Variants in GRB14 observed in about 807,000 individuals in gnomAD.
GRB14 encodes growth factor receptor bound protein 14, also known as growth factor receptor-bound protein 14.
GRB14 carries 38 observed loss-of-function variants against 69.1 expected under a neutral mutation model. That is an observed-to-expected ratio of 0.55 (90% CI 0.42 to 0.72). GRB14 has a LOEUF of 0.72. Ranked by LOEUF, GRB14 falls within the 30% of genes least tolerant of loss-of-function variation. GRB14 has a pLI of 0.00. For missense variants in GRB14, 666 were observed against 666.1 expected, an observed-to-expected ratio of 1.00 and a Z score of 0.00; for synonymous variants, 247 against 241.3, an observed-to-expected ratio of 1.02 and a Z score of -0.22.
At chr2:164,572,637 A>AC (rs1466242414) in intron 2 of GRB14, among the ~76,000 whole-genome samples, 2 of 152,142 alleles carry the variant, frequency 1.3e-5, no homozygotes, top group Non-Finnish European at 2.9e-5. Context: ...TTGCAATACT[A>AC]CCACTTTATT....
chr2:164,505,730 CAA>C (rs1459190903), intron 8 of GRB14, among the ~76,000 whole-genome samples: 1 of 151,800 alleles, frequency 6.6e-6, no homozygotes, highest in Non-Finnish European at 1.5e-5. Flanking sequence ...TGTATACAAA[CAA>C]AAGTGATTAA....
intron 2 of GRB14, among the ~76,000 whole-genome samples, chr2:164,587,506 C>T (rs2105343138): frequency 6.6e-6 from 1 of 152,272 alleles, no homozygotes; most frequent in Middle Eastern, 3.4e-3. Context: ...TGCTGAACCC[C>T]CATGTCTCTA....
Position 164,522,101 on chromosome 2 carries a change from C to T in GRB14, c.695G>A (p.Ser232Asn). 6.3e-7 allele frequency: 1 copy of T among 1,580,734 alleles called. No homozygotes were observed. The highest frequency in any genetic ancestry group is 8.6e-7 in the Non-Finnish European group (1 of 1,162,286). The part of the protein sequence containing the change: ...TQILQMFLSS[S>N]TYPEIHGFLH... Reference sequence around the variant, plus strand: ...GAAACCATGAATTTCAGGATATGTGCTTGAACTCAGAAACATCTGAAAGAA... The same window carrying T: ...GAAACCATGAATTTCAGGATATGTGTTTGAACTCAGAAACATCTGAAAGAA... The change falls in exon 6 of 14, where the codon AGC (serine) becomes AAC (asparagine). Residue 232 changes from serine (S) to asparagine (N), a missense_variant. By Grantham distance (46) the Ser-to-Asn change is conservative. Coordinates refer to ENST00000263915, the MANE Select transcript of GRB14 (RefSeq NM_004490.3).
At chr2:164,597,518 AC>A (rs1467759734) in intron 2 of GRB14, among the ~76,000 whole-genome samples, 1 of 152,182 alleles carries the variant, frequency 6.6e-6, no homozygotes, top group Non-Finnish European at 1.5e-5. Flanking sequence ...AATGCCACTC[AC>A]TTTCCCTAAA....
rs1351615122 is a variant in GRB14 at position 164,597,219 on chromosome 2, T to TA, written c.324+22467dup. On this transcript the variant is annotated intron_variant, in intron 2 of 13. Coordinates refer to ENST00000263915, the MANE Select transcript of GRB14 (RefSeq NM_004490.3). ...TTGACTTTATAACCTCACATACACT[T>TA]ACCATATACAATATACAAACTAGAA... Among the ~76,000 whole-genome samples the TA allele has an allele frequency of 2.0e-5, 3 of 152,282 alleles. No individual in the cohort carries two copies. In the East Asian group the frequency reaches 5.8e-4, roughly 29 times the overall value.
intron 2 of GRB14, among the ~76,000 whole-genome samples, chr2:164,580,941 C>T (rs191599747): frequency 3.6e-4 from 55 of 152,298 alleles, no homozygotes; most frequent in African/African-American, 1.2e-3. Flanking sequence ...GCTCCTGGCA[C>T]ACAGCAGGCT....
intron 2 of GRB14, among the ~76,000 whole-genome samples, chr2:164,583,530 T>C (rs1475754885): frequency 6.6e-6 from 1 of 152,168 alleles, no homozygotes; most frequent in East Asian, 1.9e-4. Context: ...CAGATTTAAG[T>C]AGTGTTAACA....
intron 4 of GRB14, among the ~76,000 whole-genome samples, chr2:164,526,590 C>T (rs1246683576): frequency 1.3e-5 from 2 of 151,990 alleles, no homozygotes; most frequent in Non-Finnish European, 2.9e-5. Context: ...CTTTAGAAAG[C>T]TATTTAAATT....
intron 6 of GRB14, among the ~76,000 whole-genome samples, chr2:164,512,298 C>T (rs2105271140): frequency 6.6e-6 from 1 of 152,248 alleles, no homozygotes. Context: ...TCCTGAGTAG[C>T]TGGTATTACA....
intron 2 of GRB14, among the ~76,000 whole-genome samples, chr2:164,560,724 A>C (rs3942459): frequency 0.78 from 118,578 of 151,966 alleles, 46,739 homozygotes; most frequent in African/African-American, 0.83. Context: ...ACTACCCAAG[A>C]TAATTTCAGT....
Position 164,529,528 on chromosome 2 carries a change from G to A in GRB14, c.482-2393C>T, listed in dbSNP as rs183869855. On this transcript the variant is annotated intron_variant, in intron 3 of 13. Coordinates refer to ENST00000263915, the MANE Select transcript of GRB14 (RefSeq NM_004490.3). Reference sequence around the variant, plus strand: ...ATTACTGTCATTTTTACCACATTCCGTCAAAAAAAGTAGACTACAACTCAC... The same window carrying A: ...ATTACTGTCATTTTTACCACATTCCATCAAAAAAAGTAGACTACAACTCAC... Among the ~76,000 whole-genome samples the A allele has an allele frequency of 3.4e-4, 51 of 151,856 alleles. No homozygotes were observed. In the South Asian group the frequency reaches 7.1e-3, roughly 21 times the overall value.
intron 2 of GRB14, among the ~76,000 whole-genome samples, chr2:164,611,924 T>A (rs1433793537): frequency 6.6e-6 from 1 of 152,124 alleles, no homozygotes; most frequent in Admixed American, 6.6e-5. Context: ...CCACGACTCC[T>A]GTATCTGCTG....
chr2:164,578,320 T>A (rs1689302970), intron 2 of GRB14, among the ~76,000 whole-genome samples: 1 of 151,922 alleles, frequency 6.6e-6, no homozygotes, highest in African/African-American at 2.4e-5. Flanking sequence ...CAAAAACAAT[T>A]TTGACTCATA....
intron 6 of GRB14, among the ~76,000 whole-genome samples, chr2:164,517,145 C>G (rs374682776): frequency 9.2e-5 from 14 of 152,260 alleles, no homozygotes; most frequent in African/African-American, 3.4e-4. Flanking sequence ...CTCACAATCA[C>G]AGCAGAAGGT....
At chr2:164,545,234 T>C (rs965318790) in intron 3 of GRB14, among the ~76,000 whole-genome samples, 1 of 152,176 alleles carries the variant, frequency 6.6e-6, no homozygotes, top group Non-Finnish European at 1.5e-5. Flanking sequence ...AAACATATAA[T>C]GCAATGAAGT....
At chr2:164,592,383 C>T (rs1271720888) in intron 2 of GRB14, among the ~76,000 whole-genome samples, 8 of 152,158 alleles carry the variant, frequency 5.3e-5, no homozygotes, top group Admixed American at 5.2e-4. Flanking sequence ...ATCCGCCTGC[C>T]TCAACCTCCC....
intron 9 of GRB14, among the ~76,000 whole-genome samples, chr2:164,500,461 G>A (rs902491801): frequency 6.6e-5 from 10 of 151,826 alleles, no homozygotes; most frequent in African/African-American, 2.4e-4. Flanking sequence ...TATGTTAATC[G>A]CTGAAAATAG....
At chr2:164,530,365 A>G (rs1424935026) in intron 3 of GRB14, among the ~76,000 whole-genome samples, 4 of 152,166 alleles carry the variant, frequency 2.6e-5, no homozygotes, top group Non-Finnish European at 4.4e-5. Context: ...ACCTGCCCTC[A>G]TGACCCAAAC....
At chr2:164,522,828 C>T (rs776844133) in intron 5 of GRB14, among the ~76,000 whole-genome samples, 1 of 152,182 alleles carries the variant, frequency 6.6e-6, no homozygotes. Flanking sequence ...TCTTTCTCCA[C>T]TCCCTTGAAT....
Sources: gnomAD v4.1 joint callset for allele counts (sites outside exome capture counted in the v4.1 genomes callset) on GRCh38, gnomAD v4.1.1 for gene constraint, MANE v1.5 for transcripts, NCBI Gene and HGNC (gene_info 2026-07-23, HGNC 2026-07-21) for gene names.